Variants in ZNF883 observed in about 807,000 individuals in gnomAD.
The protein encoded by ZNF883 is zinc finger protein 883.
exon 1 of ZNF883, chr9:112,998,240 T>C (rs766252717): frequency 5.0e-6 from 8 of 1,595,926 alleles, no homozygotes; most frequent in African/African-American, 1.4e-5. Context: ...CGCGGTCATA[T>C]AAATTTTCTC....
intron 1 of ZNF883, among the ~76,000 whole-genome samples, chr9:113,011,505 T>C (rs1321813112): frequency 6.6e-6 from 1 of 152,236 alleles, no homozygotes; most frequent in East Asian, 1.9e-4. Context: ...TTGTAAAGCA[T>C]ATACAATTTT....
chr9:113,005,032 G>T (rs563271519), intron 2 of ZNF883, among the ~76,000 whole-genome samples: 1 of 152,096 alleles, frequency 6.6e-6, no homozygotes, highest in African/African-American at 2.4e-5. Context: ...ATTCAAAGCT[G>T]CTGCCTTATG....
upstream of ZNF883, among the ~76,000 whole-genome samples, chr9:113,002,397 G>T (rs533378441): frequency 1.5e-3 from 215 of 140,338 alleles, no homozygotes; most frequent in African/African-American, 4.9e-3. Flanking sequence ...TCTTGAATGA[G>T]ATCAGAGAGT....
At chr9:113,001,427 A>G (rs1828422784), upstream of ZNF883, among the ~76,000 whole-genome samples, 1 of 152,146 alleles carries the variant, frequency 6.6e-6, no homozygotes, top group Non-Finnish European at 1.5e-5. Flanking sequence ...GAAGGGGCCA[A>G]TCTTCCTCTG....
exon 1 of ZNF883, chr9:112,997,260 A>G (rs920958243): frequency 6.2e-7 from 1 of 1,614,024 alleles, no homozygotes; most frequent in African/African-American, 1.3e-5. Flanking sequence ...GTTAGAGCTG[A>G]GCTTAAGCTG....
At chr9:112,991,773 G>A (rs954900316) in intron 1 of ZNF883, among the ~76,000 whole-genome samples, 1 of 152,128 alleles carries the variant, frequency 6.6e-6, no homozygotes, top group Non-Finnish European at 1.5e-5. Flanking sequence ...CCGGTATTGG[G>A]TGCATATATA....
chr9:112,997,296 G>A, exon 1 of ZNF883: 1 of 1,614,084 alleles, frequency 6.2e-7, no homozygotes. Context: ...TCATTACACT[G>A]GTAGGGTTTC....
chr9:112,996,779 A>G (rs56350373), downstream of ZNF883, among the ~76,000 whole-genome samples: 9,888 of 118,676 alleles, frequency 0.083, 528 homozygotes, highest in Non-Finnish European at 0.11. Flanking sequence ...CGACAGAGCG[A>G]GACTCCGTCT....
At chr9:113,000,525 G>A (rs116795698), upstream of ZNF883, among the ~76,000 whole-genome samples, 456 of 152,170 alleles carry the variant, frequency 3.0e-3, 2 homozygotes, top group African/African-American at 0.01. Flanking sequence ...AGCCTGGATT[G>A]GGAGAATACT....
At chr9:113,003,844 C>A (rs1258913349) in intron 2 of ZNF883, among the ~76,000 whole-genome samples, 1 of 152,216 alleles carries the variant, frequency 6.6e-6, no homozygotes, top group Non-Finnish European at 1.5e-5. Flanking sequence ...AGAGAATCAA[C>A]TGAAAAGCCA....
chr9:112,999,979 C>A (rs79231258), upstream of ZNF883, among the ~76,000 whole-genome samples: 42 of 152,246 alleles, frequency 2.8e-4, no homozygotes, highest in East Asian at 3.3e-3. Context: ...TCTAGGGGCC[C>A]TACCCTATTT....
chr9:113,001,898 CT>C (rs1828429543), upstream of ZNF883: 1 of 152,138 alleles, frequency 6.6e-6, no homozygotes, highest in Non-Finnish European at 1.5e-5. Flanking sequence ...ACAGAAATAT[CT>C]TGTCTCTGGT....
At chr9:112,995,004 A>G (rs1045843780), downstream of ZNF883, among the ~76,000 whole-genome samples, 4 of 152,218 alleles carry the variant, frequency 2.6e-5, no homozygotes, top group Non-Finnish European at 4.4e-5. Context: ...TTTATAGTAA[A>G]TAGCCCATCA....
intron 2 of ZNF883, among the ~76,000 whole-genome samples, chr9:113,010,677 TTTTA>T (rs1327902622): frequency 1.3e-5 from 2 of 152,138 alleles, no homozygotes; most frequent in African/African-American, 2.4e-5. Context: ...TATATAAAAT[TTTTA>T]TTTGTCAGTT....
chr9:112,994,898 G>A (rs904584005), downstream of ZNF883, among the ~76,000 whole-genome samples: 4 of 151,554 alleles, frequency 2.6e-5, no homozygotes, highest in African/African-American at 9.7e-5. Context: ...GGGATCTTTA[G>A]CATAATATTG....
upstream of ZNF883, chr9:112,999,631 T>C (rs1275750489): frequency 1.3e-5 from 2 of 152,220 alleles, no homozygotes; most frequent in African/African-American, 4.8e-5. Context: ...TTTGCTAGAA[T>C]GGCTCACAGA....
exon 1 of ZNF883, chr9:112,997,789 T>C: frequency 6.2e-7 from 1 of 1,613,616 alleles, no homozygotes. Flanking sequence ...TTTTTCCACA[T>C]TCAGTACATT....
chr9:113,007,132 T>C (rs903524927), intron 2 of ZNF883, among the ~76,000 whole-genome samples: 1 of 152,202 alleles, frequency 6.6e-6, no homozygotes, highest in Non-Finnish European at 1.5e-5. Context: ...AGGCGGAGGT[T>C]GCAGTGAGCT....
downstream of ZNF883, among the ~76,000 whole-genome samples, chr9:112,996,790 C>CAAAAAAAAAAAAAAAAAA (rs61714600): frequency 1.9e-5 from 1 of 52,092 alleles, no homozygotes; most frequent in Non-Finnish European, 3.6e-5. Context: ...GACTCCGTCT[C>CAAAAAAAAAAAAAAAAAA]AAAAAAAAAA....
Sources: gnomAD v4.1 joint callset for allele counts (sites outside exome capture counted in the v4.1 genomes callset) on GRCh38, gnomAD v4.1.1 for gene constraint, MANE v1.5 for transcripts, NCBI Gene and HGNC (gene_info 2026-07-23, HGNC 2026-07-21) for gene names.